RASSF3: variants seen among roughly 807,000 people sequenced by gnomAD.
The protein encoded by RASSF3 is Ras association domain family member 3, also known as ras association domain-containing protein 3.
A neutral mutation model predicts 19.9 loss-of-function variants in RASSF3; 19 were observed. The ratio of observed to expected loss-of-function variants is 0.96; its 90% CI spans 0.67 to 1.40. RASSF3 has a LOEUF of 1.40. Among genes scored for constraint, RASSF3 ranks in the 40% most tolerant of loss-of-function variants. RASSF3 has a pLI of 0.00. For synonymous variants in RASSF3, 110 were observed against 104.2 expected, an observed-to-expected ratio of 1.06 and a Z score of -0.34; for missense variants, 306 against 289.8, an observed-to-expected ratio of 1.06 and a Z score of -0.41.
chr12:64,585,173 C>T (rs1043596700), intron 2 of RASSF3, among the ~76,000 whole-genome samples: 2 of 151,994 alleles, frequency 1.3e-5, no homozygotes, highest in African/African-American at 2.4e-5. Flanking sequence ...CATGAGCCAC[C>T]GCACCCGGCC....
upstream of RASSF3, among the ~76,000 whole-genome samples, chr12:64,609,770 A>G (rs1870269836): frequency 6.6e-6 from 1 of 152,102 alleles, no homozygotes; most frequent in Non-Finnish European, 1.5e-5. Flanking sequence ...TAAGCACTCG[A>G]TTGTTCTGTA....
At chr12:64,650,322 C>A (rs1004221165) in intron 1 of RASSF3, among the ~76,000 whole-genome samples, 13 of 151,690 alleles carry the variant, frequency 8.6e-5, no homozygotes, top group Non-Finnish European at 1.3e-4. Context: ...AGGACCTTGA[C>A]AGGTCCTTGA....
chr12:64,578,070 T>C (rs891672768), intron 2 of RASSF3, among the ~76,000 whole-genome samples: 7 of 151,060 alleles, frequency 4.6e-5, no homozygotes, highest in African/African-American at 7.3e-5. Context: ...AATACAAAAA[T>C]TAGCTGGGCA....
At chr12:64,578,223 AAAG>A (rs1193297839) in intron 2 of RASSF3, among the ~76,000 whole-genome samples, 10 of 152,190 alleles carry the variant, frequency 6.6e-5, no homozygotes, top group African/African-American at 2.2e-4. Context: ...ACTCCGTCAC[AAAG>A]AAGAAAAAAA....
intron 1 of RASSF3, among the ~76,000 whole-genome samples, chr12:64,524,790 A>G (rs1868551699): frequency 6.6e-6 from 1 of 152,216 alleles, no homozygotes; most frequent in Non-Finnish European, 1.5e-5. Flanking sequence ...AAGGACTGCA[A>G]ACTCTTATGC....
intron 1 of RASSF3, among the ~76,000 whole-genome samples, chr12:64,627,234 TA>T (rs1871027893): frequency 6.6e-6 from 1 of 152,234 alleles, no homozygotes; most frequent in South Asian, 2.1e-4. Context: ...TGACACTTGA[TA>T]AACAGTTTTT....
chr12:64,509,178 G>A (rs147422386), intron 1 of RASSF3, among the ~76,000 whole-genome samples: 2,486 of 152,194 alleles, frequency 0.016, 64 homozygotes, highest in African/African-American at 0.056. Flanking sequence ...GGCCAGGGGC[G>A]GTGGCTCATG....
intron 2 of RASSF3, among the ~76,000 whole-genome samples, chr12:64,566,863 T>TGGTG (rs555745652): frequency 4.0e-3 from 611 of 152,304 alleles, no homozygotes; most frequent in African/African-American, 0.014. Flanking sequence ...CCTAAAACTC[T>TGGTG]GAGGTGGTGT....
intron 1 of RASSF3, among the ~76,000 whole-genome samples, chr12:64,516,768 G>C (rs1435953953): frequency 6.6e-6 from 1 of 152,018 alleles, no homozygotes; most frequent in Non-Finnish European, 1.5e-5. Flanking sequence ...GGGAGGCCGA[G>C]GCGGGTGGAT....
At chr12:64,562,393 G>C (rs1250707111) in intron 2 of RASSF3, among the ~76,000 whole-genome samples, 1 of 152,140 alleles carries the variant, frequency 6.6e-6, no homozygotes, top group Non-Finnish European at 1.5e-5. Context: ...CTGGTTAGGA[G>C]ACCCATGGTA....
At chr12:64,662,536 T>C (rs1872405388) in intron 1 of RASSF3, among the ~76,000 whole-genome samples, 1 of 151,648 alleles carries the variant, frequency 6.6e-6, no homozygotes. Context: ...ACCACTGCAC[T>C]CCAGCCTGGG....
intron 2 of RASSF3, chr12:64,599,009 GCCACATT>G (rs913380871): frequency 1.3e-5 from 2 of 151,220 alleles, no homozygotes; most frequent in African/African-American, 4.9e-5. Context: ...TCCTTATTTA[GCCACATT>G]TTATTTATTT....
chr12:64,606,061 C>T (rs1333441761), upstream of RASSF3, among the ~76,000 whole-genome samples: 3 of 152,056 alleles, frequency 2.0e-5, no homozygotes, highest in African/African-American at 7.2e-5. Flanking sequence ...TCCTAGGTAC[C>T]ATATGCAAGC....
At chr12:64,536,761 G>A (rs939908388) in intron 1 of RASSF3, among the ~76,000 whole-genome samples, 1 of 152,202 alleles carries the variant, frequency 6.6e-6, no homozygotes, top group Non-Finnish European at 1.5e-5. Context: ...AGGCAGGTGA[G>A]GGATTCAGTG....
intron 1 of RASSF3, among the ~76,000 whole-genome samples, chr12:64,627,098 T>C (rs1236080175): frequency 6.6e-6 from 1 of 152,242 alleles, no homozygotes; most frequent in African/African-American, 2.4e-5. Flanking sequence ...TCCTAGATTA[T>C]AGATTATTAC....
chr12:64,657,949 G>A (rs915106971), intron 1 of RASSF3, among the ~76,000 whole-genome samples: 1 of 152,140 alleles, frequency 6.6e-6, no homozygotes, highest in Admixed American at 6.6e-5. Flanking sequence ...TGGTGGTGCA[G>A]GCTGAGGTGG....
intron 1 of RASSF3, among the ~76,000 whole-genome samples, chr12:64,515,040 T>G (rs1868353176): frequency 6.6e-6 from 1 of 151,602 alleles, no homozygotes; most frequent in South Asian, 2.1e-4. Context: ...ATTTATTTAT[T>G]TATCATTTAT....
intron 2 of RASSF3, among the ~76,000 whole-genome samples, chr12:64,583,622 A>AAAAAC (rs1438119118): frequency 2.0e-5 from 3 of 152,160 alleles, no homozygotes; most frequent in Non-Finnish European, 4.4e-5. Context: ...ACTCCGTCTC[A>AAAAAC]AAAACAAAAC....
At chr12:64,686,079 A>G (rs1412659540) in intron 2 of RASSF3, among the ~76,000 whole-genome samples, 3 of 152,188 alleles carry the variant, frequency 2.0e-5, no homozygotes, top group Non-Finnish European at 4.4e-5. Flanking sequence ...CTCCAAAAAG[A>G]GGGGAGAGGA....
Sources: gnomAD v4.1 joint callset for allele counts (sites outside exome capture counted in the v4.1 genomes callset) on GRCh38, gnomAD v4.1.1 for gene constraint, MANE v1.5 for transcripts, NCBI Gene and HGNC (gene_info 2026-07-23, HGNC 2026-07-21) for gene names.